TMC5: variants seen among roughly 807,000 people sequenced by gnomAD.
TMC5 encodes transmembrane channel like 5.
Under a neutral mutation model 110.5 loss-of-function variants are expected in TMC5, and 86 were observed. The observed-to-expected ratio is 0.78, with a 90% CI of 0.65 to 0.93. The LOEUF (loss-of-function observed/expected upper bound fraction) is 0.93, where lower values mean the gene tolerates loss of function less well. Ranked by LOEUF, TMC5 falls within the 40% of genes least tolerant of loss-of-function variation. The pLI is 0.00. For synonymous variants in TMC5, 455 were observed against 439.5 expected (o/e 1.04, Z -0.44); for missense variants, 1,144 against 1,222.8 (o/e 0.94, Z 0.96).
chr16:19,476,688 A>G (rs1246001331), intron 12 of TMC5, among the ~76,000 whole-genome samples: 6 of 152,246 alleles, frequency 3.9e-5, no homozygotes, highest in Non-Finnish European at 7.3e-5. Flanking sequence ...GAGATGCAAC[A>G]AAAGAGAATG....
At chr16:19,497,840 T>G (rs1969095002) in intron 21 of TMC5, 80 bp from the exon 22 acceptor site, 1 of 1,344,424 alleles carries the variant, frequency 7.4e-7, no homozygotes, top group Admixed American at 2.0e-5. Context: ...TATGGAATCT[T>G]GAAGGCAAGC....
chr16:19,465,532 A>AAAAT (rs568378758), intron 8 of TMC5, among the ~76,000 whole-genome samples: 2,364 of 152,116 alleles, frequency 0.016, 26 homozygotes, highest in East Asian at 0.024. Flanking sequence ...CCATCTCAAA[A>AAAAT]AAATAAATAA....
At chr16:19,412,254 A>G (rs542343077) in intron 1 of TMC5, among the ~76,000 whole-genome samples, 2 of 149,908 alleles carry the variant, frequency 1.3e-5, no homozygotes, top group African/African-American at 4.9e-5. Flanking sequence ...AAATTTTTGT[A>G]GAGATGGGGG....
chr16:19,426,622 G>T (rs1967093242), intron 1 of TMC5, among the ~76,000 whole-genome samples: 1 of 152,156 alleles, frequency 6.6e-6, no homozygotes, highest in African/African-American at 2.4e-5. Flanking sequence ...CTTCTTCTGG[G>T]TTGGGATCCA....
At chr16:19,439,471 A>C (rs1407490514) in intron 2 of TMC5, among the ~76,000 whole-genome samples, 2 of 152,176 alleles carry the variant, frequency 1.3e-5, no homozygotes, top group Non-Finnish European at 2.9e-5. Context: ...TTCAAGATGA[A>C]AGCTTAGTTG....
At chr16:19,419,081 A>T (rs1485954764) in intron 1 of TMC5, among the ~76,000 whole-genome samples, 2 of 152,180 alleles carry the variant, frequency 1.3e-5, no homozygotes, top group African/African-American at 4.8e-5. Flanking sequence ...GCAATCAGAG[A>T]GGTATGGGTT....
At position 19,469,936 on chromosome 16, in the gene TMC5, C is replaced by G. The variant is rs1968289688; in HGVS notation, c.1782+111C>G. ...TTGAATTGGAGTCTCACTCTGTCGCCCAGGCTGGAGTGCAGTGGCGCAATC... is the reference window on the plus strand; with the variant it reads ...TTGAATTGGAGTCTCACTCTGTCGCGCAGGCTGGAGTGCAGTGGCGCAATC... On this transcript the variant is annotated intron_variant, in intron 10 of 21. Transcript: ENST00000542583. 2.4e-6 allele frequency: 3 copies of G among 1,271,494 alleles called. No homozygotes were observed. The African/African-American group carries it at 4.5e-5, about 19-fold the overall frequency. 78.8% of individuals were successfully genotyped at this position (1,271,494 alleles called of 1,614,324 possible).
chr16:19,487,865 C>T (rs1216930287), intron 17 of TMC5: 5 of 152,304 alleles, frequency 3.3e-5, no homozygotes, highest in Non-Finnish European at 7.3e-5. Flanking sequence ...CAAGGGACCA[C>T]ACAGGGAAGC....
chr16:19,474,980 C>A (rs1046739222), intron 12 of TMC5: 10 of 152,346 alleles, frequency 6.6e-5, no homozygotes, highest in African/African-American at 2.4e-4. Flanking sequence ...CACTGGCACC[C>A]ATGGGGTGCC....
At chr16:19,449,470 A>G (rs1967697864) in intron 4 of TMC5, 72 bp from the exon 5 acceptor site, 2 of 1,297,628 alleles carry the variant, frequency 1.5e-6, no homozygotes, top group Admixed American at 1.7e-5. Context: ...TTAGCACATC[A>G]TAACTATTGC....
At chr16:19,453,011 T>TTTTA (rs1555482564) in intron 5 of TMC5, among the ~76,000 whole-genome samples, 1 of 145,486 alleles carries the variant, frequency 6.9e-6, no homozygotes, top group Non-Finnish European at 1.5e-5. Context: ...TATATATATA[T>TTTTA]TATATATATA....
chr16:19,430,041 G>A (rs1200240220), intron 1 of TMC5, among the ~76,000 whole-genome samples: 1 of 151,998 alleles, frequency 6.6e-6, no homozygotes, highest in Non-Finnish European at 1.5e-5. Flanking sequence ...CATAACAGTG[G>A]TCACGGTATG....
Position 19,439,948 on chromosome 16 carries a change from C to T in TMC5, c.-79-12C>T, listed in dbSNP as rs928522661. On this transcript the variant is annotated splice_polypyrimidine_tract_variant and intron_variant, in intron 2 of 21. Transcript: ENST00000542583. ...AAAAAATCTGACTTTTTCTTTTCTT[C>T]TTGTTTTTCAGGTGAAAAAAAAAAA... The T allele has an allele frequency of 7.9e-6, 9 of 1,137,036 alleles. No individual in the cohort carries two copies. Among genetic ancestry groups the T allele is most frequent in the Non-Finnish European group, 1.1e-5 (9 of 794,418 alleles). 70.4% of individuals were successfully genotyped at this position (1,137,036 alleles called of 1,614,324 possible).
intron 15 of TMC5, 36 bp from the exon 16 acceptor site, chr16:19,486,909 C>T (rs367865942): frequency 6.8e-5 from 108 of 1,589,754 alleles, no homozygotes; most frequent in South Asian, 8.8e-5. Flanking sequence ...CTTGTGTCTC[C>T]GCCAGCCTCT....
chr16:19,419,701 C>T (rs764155677), intron 1 of TMC5, among the ~76,000 whole-genome samples: 12 of 151,984 alleles, frequency 7.9e-5, no homozygotes, highest in Non-Finnish European at 1.2e-4. Context: ...CGTGAGCCAC[C>T]GCGCCGGGCC....
chr16:19,463,689 GT>G (rs763199909), intron 7 of TMC5, 86 bp from the exon 8 acceptor site: 88 of 1,483,970 alleles, frequency 5.9e-5, no homozygotes, highest in Non-Finnish European at 7.4e-5. Flanking sequence ...TCCAGACATG[GT>G]GGCTGTTTCT....
intron 9 of TMC5, among the ~76,000 whole-genome samples, chr16:19,467,803 C>G (rs1174747305): frequency 6.6e-6 from 1 of 151,868 alleles, no homozygotes; most frequent in Non-Finnish European, 1.5e-5. Flanking sequence ...CTTTAAAGAC[C>G]CTACCTCCAA....
chr16:19,491,621 C>T (rs754425746), intron 18 of TMC5, among the ~76,000 whole-genome samples: 3 of 149,466 alleles, frequency 2.0e-5, no homozygotes, highest in African/African-American at 5.0e-5. Flanking sequence ...CTGCAAGTTC[C>T]GCCTCCTGGG....
intron 1 of TMC5, chr16:19,411,725 G>A (rs1349001589): frequency 6.6e-6 from 1 of 151,460 alleles, no homozygotes; most frequent in Non-Finnish European, 1.5e-5. Context: ...TTCCAGAAGG[G>A]TAGGATTTTT....
Sources: gnomAD v4.1 joint callset for allele counts (sites outside exome capture counted in the v4.1 genomes callset) on GRCh38, gnomAD v4.1.1 for gene constraint, MANE v1.5 for transcripts, NCBI Gene and HGNC (gene_info 2026-07-23, HGNC 2026-07-21) for gene names.